Variants in HLF observed in about 807,000 individuals in gnomAD.
The protein encoded by HLF is hepatic leukemia factor.
Under a neutral mutation model 22.6 loss-of-function variants are expected in HLF, and 3 were observed. The observed-to-expected ratio is 0.13, with a 90% CI of 0.06 to 0.34. The LOEUF is 0.34. Ranked by LOEUF, HLF falls within the 10% of genes least tolerant of loss-of-function variation. The probability of loss-of-function intolerance (pLI) is 1.00; values close to 1 mark genes in which losing one functional copy is unlikely to be tolerated. For missense variants in HLF, 299 were observed against 389.2 expected (o/e 0.77, Z 1.95); for synonymous variants, 151 against 151.8 (o/e 0.99, Z 0.04).
chr17:55,267,197 G>T (rs1426090926), intron 1 of HLF, among the ~76,000 whole-genome samples: 2 of 152,128 alleles, frequency 1.3e-5, no homozygotes, highest in Non-Finnish European at 1.5e-5. Context: ...TGAGATTTTT[G>T]AGATAATATA....
rs1905415513 is a variant in HLF, at chr17:55,325,029, T to G, written c.*4150T>G. On this transcript the variant is annotated 3_prime_UTR_variant, in exon 4 of 4. Transcript: ENST00000226067. ...AGTCCAAACCTTTATCTGTCTGTTATTCTTAATGTTGAATAAACTTTGAAT... is the reference window on the plus strand; with the variant it reads ...AGTCCAAACCTTTATCTGTCTGTTAGTCTTAATGTTGAATAAACTTTGAAT... 1 of 222,822 alleles carries G rather than the reference T, an allele frequency of 4.5e-6. No individual in the cohort carries two copies. Among genetic ancestry groups the G allele is most frequent in the Non-Finnish European group, 9.0e-6 (1 of 111,180 alleles). The allele number at this position is 222,822 out of a possible 1,614,324, so 13.8% of individuals were successfully genotyped here.
At chr17:55,288,688 A>G (rs981039589) in intron 2 of HLF, among the ~76,000 whole-genome samples, 2 of 151,522 alleles carry the variant, frequency 1.3e-5, no homozygotes, top group Non-Finnish European at 2.9e-5. Flanking sequence ...CCCAGGAGGC[A>G]GAGGTTGCAG....
intron 1 of HLF, chr17:55,266,688 A>G (rs2080794337): frequency 3.7e-6 from 1 of 270,308 alleles, no homozygotes; most frequent in Admixed American, 6.5e-5. Flanking sequence ...TCAGATTTTC[A>G]GATGAGATGG....
chr17:55,270,971 A>G (rs555919411), intron 2 of HLF, among the ~76,000 whole-genome samples: 1 of 152,298 alleles, frequency 6.6e-6, no homozygotes. Context: ...TACGCTTTAT[A>G]GGATGCTTAG....
At chr17:55,313,215 C>G (rs553668191) in intron 2 of HLF, among the ~76,000 whole-genome samples, 1 of 152,152 alleles carries the variant, frequency 6.6e-6, no homozygotes, top group Non-Finnish European at 1.5e-5. Context: ...ATGTCAGAGT[C>G]CAGCATCTCA....
In HLF at chr17:55,283,072, G is replaced by T. The variant is rs74682439; in HGVS notation, c.451+14986G>T. On this transcript the variant is annotated intron_variant, in intron 2 of 3. Transcript: ENST00000226067. ...GCTGGAATCATTGCTCCAACGGTTG[G>T]ATTTCTTAGTGGTCGTTTACTAGCC... Among the ~76,000 whole-genome samples the T allele has an allele frequency of 1.3e-3, 201 of 152,086 alleles. 1 individual carries two copies. In the East Asian group the frequency reaches 0.017, roughly 13 times the overall value.
intron 2 of HLF, among the ~76,000 whole-genome samples, chr17:55,285,657 C>T (rs760719467): frequency 5.9e-5 from 9 of 152,220 alleles, no homozygotes; most frequent in South Asian, 4.1e-4. Context: ...CTTGCAGTCA[C>T]GTGGAGAGAA....
intron 2 of HLF, among the ~76,000 whole-genome samples, chr17:55,294,456 G>A (rs2081093906): frequency 2.0e-5 from 3 of 152,222 alleles, no homozygotes; most frequent in Admixed American, 6.5e-5. Flanking sequence ...CATACCTGGT[G>A]AGCTGTCTGC....
chr17:55,299,891 T>G (rs1293929275), intron 2 of HLF, among the ~76,000 whole-genome samples: 3 of 150,814 alleles, frequency 2.0e-5, no homozygotes, highest in Non-Finnish European at 4.4e-5. Context: ...TGGAGTGCAG[T>G]GCCACCATCT....
chr17:55,286,991 C>G (rs1240125988), intron 2 of HLF, among the ~76,000 whole-genome samples: 3 of 152,200 alleles, frequency 2.0e-5, no homozygotes, highest in Non-Finnish European at 4.4e-5. Context: ...GAAACCCATT[C>G]CACCTGTCTC....
Position 55,320,985 on chromosome 17 carries a change from C to A in HLF, c.*106C>A. 4 of 840,956 alleles carry A rather than the reference C, an allele frequency of 4.8e-6. No individual in the cohort carries two copies. The highest frequency in any genetic ancestry group is 7.6e-6 in the Non-Finnish European group (4 of 527,266). The allele number at this position is 840,956 out of a possible 1,614,324, so 52.1% of individuals were successfully genotyped here. A position where few individuals can be genotyped will look rare whatever the true frequency, so the allele number is the denominator to read the frequency against. ...TCTGACATCAGCACTTTACCAGAGG[C>A]ATAAACACAACTGACTCCCATTTTG... On this transcript the variant is annotated 3_prime_UTR_variant, in exon 4 of 4. Coordinates refer to ENST00000226067, the MANE Select transcript of HLF (RefSeq NM_002126.5). This position sits in a 1 kb window ranked among gnomAD's most constrained non-coding sequence, Gnocchi z 4.2.
chr17:55,293,883 AG>A (rs1417927231), intron 2 of HLF, among the ~76,000 whole-genome samples: 1 of 152,156 alleles, frequency 6.6e-6, no homozygotes, highest in East Asian at 1.9e-4. Flanking sequence ...CTAGATGTGG[AG>A]GGAGTGAGGA....
intron 2 of HLF, among the ~76,000 whole-genome samples, chr17:55,312,290 A>G (rs1009199110): frequency 3.9e-5 from 6 of 152,208 alleles, no homozygotes; most frequent in Non-Finnish European, 7.3e-5. Flanking sequence ...CCAACAGTAT[A>G]TGAATGTTCC....
chr17:55,321,324 A>G lies in HLF; in HGVS notation c.*445A>G, dbSNP rs1905255145. 4.0e-6 allele frequency: 1 copy of G among 246,980 alleles called. No individual in the cohort carries two copies. The allele number at this position is 246,980 out of a possible 1,614,324, so 15.3% of individuals were successfully genotyped here. On this transcript the variant is annotated 3_prime_UTR_variant, in exon 4 of 4. Transcript: ENST00000226067. ...ATAGTGGATCTCAGTTTTTAAGAGTACAAGCTCTTGTTTCTGTTTAGTCCG... is the reference window on the plus strand; with the variant it reads ...ATAGTGGATCTCAGTTTTTAAGAGTGCAAGCTCTTGTTTCTGTTTAGTCCG...
intron 2 of HLF, among the ~76,000 whole-genome samples, chr17:55,305,053 T>G (rs1346761933): frequency 6.6e-6 from 1 of 152,224 alleles, no homozygotes; most frequent in Non-Finnish European, 1.5e-5. Context: ...ATACTAATAG[T>G]TTAAGGGCAT....
At chr17:55,293,151 T>G (rs892315465) in intron 2 of HLF, among the ~76,000 whole-genome samples, 2 of 152,234 alleles carry the variant, frequency 1.3e-5, no homozygotes, top group African/African-American at 2.4e-5. Flanking sequence ...AATGGTCCCT[T>G]CACAAAGAAA....
chr17:55,286,757 G>A (rs1414894272), intron 2 of HLF, among the ~76,000 whole-genome samples: 1 of 152,142 alleles, frequency 6.6e-6, no homozygotes, highest in East Asian at 1.9e-4. Context: ...TATATTTACT[G>A]CTTTGGAATG....
intron 2 of HLF, among the ~76,000 whole-genome samples, chr17:55,285,132 GC>G (rs1198999271): frequency 2.0e-5 from 3 of 152,162 alleles, no homozygotes; most frequent in Non-Finnish European, 4.4e-5. Flanking sequence ...GACTGCATTT[GC>G]CTGGGTCCCT....
intron 2 of HLF, among the ~76,000 whole-genome samples, chr17:55,314,096 G>A (rs936938343): frequency 2.6e-5 from 4 of 152,164 alleles, no homozygotes; most frequent in Non-Finnish European, 4.4e-5. Flanking sequence ...TTCATGGGGC[G>A]TGAGAGGAGT....
Sources: gnomAD v4.1 joint callset for allele counts (sites outside exome capture counted in the v4.1 genomes callset) on GRCh38, gnomAD v4.1.1 for gene constraint, Gnocchi (gnomAD v3.1) non-coding constraint, MANE v1.5 for transcripts, NCBI Gene and HGNC (gene_info 2026-07-23, HGNC 2026-07-21) for gene names.